Variants in TRABD2B observed in about 807,000 individuals in gnomAD.
TRABD2B encodes TraB domain containing 2B.
TRABD2B carries 14 observed loss-of-function variants against 40.1 expected under a neutral mutation model. The observed-to-expected ratio is 0.35, with a 90% CI of 0.23 to 0.55. The LOEUF is 0.55. TRABD2B is among the 20% of genes least tolerant of loss of function. The probability of loss-of-function intolerance (pLI) is 0.90; values close to 1 mark genes in which losing one functional copy is unlikely to be tolerated. For synonymous variants in TRABD2B, 263 were observed against 277.0 expected (o/e 0.95, Z 0.50); for missense variants, 541 against 648.6 (o/e 0.83, Z 1.80).
At chr1:47,912,369 C>T (rs1205505930) in intron 2 of TRABD2B, among the ~76,000 whole-genome samples, 2 of 152,106 alleles carry the variant, frequency 1.3e-5, no homozygotes, top group East Asian at 1.9e-4. Context: ...GCAATGTGTG[C>T]GTTTTTTCAG....
At chr1:47,942,631 C>T (rs748336453) in intron 2 of TRABD2B, among the ~76,000 whole-genome samples, 1 of 152,180 alleles carries the variant, frequency 6.6e-6, no homozygotes, top group Non-Finnish European at 1.5e-5. Flanking sequence ...ATAATGATGA[C>T]TACTGCAACA....
chr1:47,994,695 A>G lies in TRABD2B; in HGVS notation c.103-98T>C. ...CGTTGCAGAGGGAGGTGGGGATGGG[A>G]GGCAGAGACCATACACAGGCCGTGG... On this transcript the variant is annotated intron_variant, in intron 1 of 6. Coordinates refer to ENST00000606738, the MANE Select transcript of TRABD2B (RefSeq NM_001194986.2). The surrounding 1 kb of genome is among the most constrained non-coding windows in gnomAD (Gnocchi z 6.7). 1 of 1,102,702 alleles carries G rather than the reference A, an allele frequency of 9.1e-7. No homozygotes were observed. Among genetic ancestry groups the G allele is most frequent in the Non-Finnish European group, 1.3e-6 (1 of 783,678 alleles). 68.3% of individuals were successfully genotyped at this position (1,102,702 alleles called of 1,614,324 possible). A position where few individuals can be genotyped will look rare whatever the true frequency, so the allele number is the denominator to read the frequency against.
At chr1:47,892,782 C>T (rs978382613) in intron 2 of TRABD2B, among the ~76,000 whole-genome samples, 2 of 152,180 alleles carry the variant, frequency 1.3e-5, no homozygotes, top group Non-Finnish European at 2.9e-5. Flanking sequence ...AAGAATGTAT[C>T]ACACACTGGA....
At chr1:47,965,678 C>T (rs1248082079) in intron 2 of TRABD2B, among the ~76,000 whole-genome samples, 2 of 152,166 alleles carry the variant, frequency 1.3e-5, no homozygotes, top group African/African-American at 4.8e-5. Flanking sequence ...CACTTCAGTA[C>T]ATGGGGAAAT....
rs552678184 is a variant in TRABD2B, at chr1:47,992,730, T to C, written c.666+1304A>G. ...GTTCAGAGGAATCAGCACTGGGCCATAGAATACACAGGATTTTCCCCCGTG... is the reference window on the plus strand; with the variant it reads ...GTTCAGAGGAATCAGCACTGGGCCACAGAATACACAGGATTTTCCCCCGTG... On this transcript the variant is annotated intron_variant, in intron 2 of 6. Coordinates refer to ENST00000606738, the MANE Select transcript of TRABD2B (RefSeq NM_001194986.2). Among the ~76,000 whole-genome samples the C allele has an allele frequency of 2.6e-5, 4 of 152,270 alleles. 1 individual carries two copies. Among genetic ancestry groups the C allele is most frequent in the African/African-American group, 4.8e-5 (2 of 41,562 alleles).
Position 47,765,804 on chromosome 1 carries a change from C to T in TRABD2B, c.*98G>A, listed in dbSNP as rs867086027. ...CCAATCCCATGTGGACTGCCCTCGA[C>T]GTGTTGGGCACCCCCTGGAGGTGGT... On this transcript the variant is annotated 3_prime_UTR_variant, in exon 7 of 7. Coordinates refer to ENST00000606738, the MANE Select transcript of TRABD2B (RefSeq NM_001194986.2). 2.1e-5 allele frequency: 15 copies of T among 702,140 alleles called. No individual in the cohort carries two copies. Among genetic ancestry groups the T allele is most frequent in the Admixed American group, 8.0e-5 (4 of 49,982 alleles). The allele number at this position is 702,140 out of a possible 1,614,324, so 43.5% of individuals were successfully genotyped here.
At chr1:47,816,491 T>C (rs969393362) in intron 2 of TRABD2B, among the ~76,000 whole-genome samples, 3 of 152,222 alleles carry the variant, frequency 2.0e-5, no homozygotes, top group Admixed American at 2.0e-4. Context: ...TATAGTTTTT[T>C]TGAATGTGCA....
chr1:47,994,072 G>A lies in TRABD2B; in HGVS notation c.628C>T (p.Gln210Ter). ...AGCCCGTTGTTGAGGGGATGGCACT[G>A]CTCCTCCACCTGCTCCACAGCCCCT... ...TTGAVEQVEE[Q>*]CHPLNNGLNF... The change falls in exon 2 of 7, where the codon CAG (glutamine) becomes TAG (stop). Residue 210 changes from glutamine to a stop codon, truncating the protein, a stop_gained. Transcript: ENST00000606738. LOFTEE classifies it high-confidence loss of function. The surrounding 1 kb of genome is among the most constrained non-coding windows in gnomAD (Gnocchi z 6.7). 6.5e-7 allele frequency: 1 copy of A among 1,536,200 alleles called. No individual in the cohort carries two copies. Among genetic ancestry groups the A allele is most frequent in the Non-Finnish European group, 8.7e-7 (1 of 1,146,924 alleles).
chr1:47,977,944 C>T (rs1211504223), intron 2 of TRABD2B, among the ~76,000 whole-genome samples: 1 of 151,858 alleles, frequency 6.6e-6, no homozygotes, highest in Admixed American at 6.6e-5. Context: ...TCATGTTCCT[C>T]ATCCATACAA....
intron 3 of TRABD2B, among the ~76,000 whole-genome samples, chr1:47,795,091 G>C (rs913760549): frequency 6.6e-6 from 1 of 152,216 alleles, no homozygotes; most frequent in African/African-American, 2.4e-5. Flanking sequence ...TCTTTATGGA[G>C]CAAGGTGGAC....
chr1:47,992,784 T>C (rs576184313), intron 2 of TRABD2B, among the ~76,000 whole-genome samples: 1 of 152,268 alleles, frequency 6.6e-6, no homozygotes, highest in South Asian at 2.1e-4. Flanking sequence ...GTCAGAACCC[T>C]GCAGGGCGTG....
At chr1:47,833,521 T>C (rs1280588269) in intron 2 of TRABD2B, among the ~76,000 whole-genome samples, 2 of 152,238 alleles carry the variant, frequency 1.3e-5, no homozygotes, top group Admixed American at 6.5e-5. Flanking sequence ...AGACAGAAGA[T>C]GCTGGGATGG....
At chr1:47,792,656 G>A (rs950181393) in intron 4 of TRABD2B, among the ~76,000 whole-genome samples, 1 of 152,158 alleles carries the variant, frequency 6.6e-6, no homozygotes, top group Admixed American at 6.5e-5. Context: ...TAGTGTCCAC[G>A]GCTCCCCTCA....
Position 47,765,667 on chromosome 1 carries a change from T to C in TRABD2B, c.*235A>G. On this transcript the variant is annotated 3_prime_UTR_variant, in exon 7 of 7. Coordinates refer to ENST00000606738, the MANE Select transcript of TRABD2B (RefSeq NM_001194986.2). ...CGGTAGAATAAATACATTTTTCTTT[T>C]TTAATATGGACACGTATTTTACAAA... is the stretch of plus-strand genomic sequence containing the variant. 1 of 592,090 alleles carries C rather than the reference T, an allele frequency of 1.7e-6. No homozygotes were observed. The highest frequency in any genetic ancestry group is 2.0e-5 in the South Asian group (1 of 49,408). 36.7% of individuals were successfully genotyped at this position (592,090 alleles called of 1,614,324 possible).
intron 2 of TRABD2B, among the ~76,000 whole-genome samples, chr1:47,861,060 G>T (rs1488129208): frequency 1.3e-5 from 2 of 152,150 alleles, no homozygotes; most frequent in African/African-American, 2.4e-5. Context: ...ATTCTCTTGT[G>T]CTACAGGGGA....
intron 2 of TRABD2B, among the ~76,000 whole-genome samples, chr1:47,885,551 C>A (rs1453609110): frequency 1.3e-5 from 2 of 152,140 alleles, no homozygotes; most frequent in Non-Finnish European, 2.9e-5. Flanking sequence ...CTGTTGGTGG[C>A]AGGGGACCGT....
chr1:47,772,727 C>T (rs1644392717), intron 6 of TRABD2B, among the ~76,000 whole-genome samples: 1 of 152,134 alleles, frequency 6.6e-6, no homozygotes, highest in South Asian at 2.1e-4. Context: ...AAATTGGAAA[C>T]CTGGGGACTG....
chr1:47,939,194 G>T (rs771318981), intron 2 of TRABD2B, among the ~76,000 whole-genome samples: 2 of 151,846 alleles, frequency 1.3e-5, no homozygotes, highest in Non-Finnish European at 2.9e-5. Context: ...TTCGATTAGG[G>T]TATGCAGGCA....
intron 2 of TRABD2B, among the ~76,000 whole-genome samples, chr1:47,841,017 C>A (rs561752589): frequency 5.9e-5 from 9 of 152,254 alleles, no homozygotes; most frequent in African/African-American, 2.2e-4. Flanking sequence ...GGCCTACCTC[C>A]TGCGTGGAGT....
Sources: allele counts gnomAD v4.1 joint callset (sites outside exome capture counted in the v4.1 genomes callset), GRCh38; gene constraint gnomAD v4.1.1; non-coding constraint Gnocchi (gnomAD v3.1); transcripts MANE v1.5; gene names NCBI Gene and HGNC (gene_info 2026-07-23, HGNC 2026-07-21).